Variants in PDE1A observed in about 807,000 individuals in gnomAD.
PDE1A encodes the protein phosphodiesterase 1A.
In PDE1A, 35 loss-of-function variants were observed where a neutral mutation model predicts 61.7. That is an observed-to-expected ratio of 0.57 (90% confidence interval 0.43 to 0.75). PDE1A has a LOEUF of 0.75. PDE1A is among the 30% of genes least tolerant of loss of function. The pLI is 0.00. For missense variants in PDE1A, 597 were observed against 630.6 expected (o/e 0.95, Z 0.57); for synonymous variants, 232 against 213.2 (o/e 1.09, Z -0.77).
chr2:182,664,012 T>A, the PDE1A span, among the ~76,000 whole-genome samples: 1 of 152,180 alleles, frequency 6.6e-6, no homozygotes, highest in South Asian at 2.1e-4. Context: ...CCAAATGTAT[T>A]TTTTAAAAAA....
chr2:182,161,517 C>T lies in PDE1A; in HGVS notation c.1517-14365G>A, dbSNP rs897125825. Among the ~76,000 whole-genome samples the T allele has an allele frequency of 3.0e-4, 45 of 152,218 alleles. 1 individual carries two copies. Among genetic ancestry groups the T allele is most frequent in the Admixed American group, 2.6e-3 (39 of 15,288 alleles). The stretch of plus-strand genomic sequence containing the variant: ...CCCACAATGGTATCTCTTTTCCACC[C>T]CTCTCTGGGATTAACTGCATTGTCA... On this transcript the variant is annotated intron_variant, in intron 13 of 13. Coordinates refer to the PDE1A transcript ENST00000409365.
intron 6 of PDE1A, among the ~76,000 whole-genome samples, chr2:182,225,502 G>A (rs1265474478): frequency 6.6e-6 from 1 of 151,880 alleles, no homozygotes; most frequent in African/African-American, 2.4e-5. Flanking sequence ...GTATTTGTTT[G>A]TTAAATTGTA....
the PDE1A span, among the ~76,000 whole-genome samples, chr2:182,674,199 T>A: frequency 6.6e-6 from 1 of 151,986 alleles, no homozygotes; most frequent in Non-Finnish European, 1.5e-5. Context: ...ACTAAAACAC[T>A]GTGCTACACT....
At chr2:182,606,576 C>A in the PDE1A span, among the ~76,000 whole-genome samples, 2 of 151,846 alleles carry the variant, frequency 1.3e-5, no homozygotes, top group Non-Finnish European at 2.9e-5. Flanking sequence ...CAGCAGTGAA[C>A]AAAACAGACA....
In PDE1A at chr2:182,386,114, C is replaced by G. The variant is rs1000239087; in HGVS notation, c.53+40464G>C. The stretch of plus-strand genomic sequence containing the variant: ...CGCCAGCCTCGGCCTCCTGAGGTGC[C>G]GGGATTGCGGACGGAGTCTCGTTCA... On this transcript the variant is annotated intron_variant, in intron 1 of 13. Transcript: ENST00000351439. Among the ~76,000 whole-genome samples the G allele has an allele frequency of 1.2e-3, 190 of 152,316 alleles. 1 individual carries two copies. The highest frequency in any genetic ancestry group is 2.6e-4 in the Non-Finnish European group (18 of 68,034).
At chr2:182,522,642 G>A (rs1160423802) in intron 1 of PDE1A, 3 of 1,224,766 alleles carry the variant, frequency 2.4e-6, no homozygotes, top group African/African-American at 3.0e-5. Context: ...CCGTACATGT[G>A]AGCCTGCTAC....
In PDE1A at chr2:182,400,542, A is replaced by T. The variant is rs1701945496; in HGVS notation, c.53+26036T>A. Among the ~76,000 whole-genome samples, 4 of 152,212 alleles carry T rather than the reference A, an allele frequency of 2.6e-5. No individual in the cohort carries two copies. The South Asian group carries it at 8.3e-4, about 32-fold the overall frequency. On this transcript the variant is annotated intron_variant, in intron 1 of 13. Coordinates refer to ENST00000351439, the Ensembl canonical transcript of PDE1A. ...AAGGAGACTCTCAACATCTCCTTAG[A>T]TGCTGCAACCCTAATTAGCCCTCCA... is the stretch of plus-strand genomic sequence containing the variant.
chr2:182,453,396 G>A (rs967601331), intron 2 of PDE1A, among the ~76,000 whole-genome samples: 6 of 151,628 alleles, frequency 4.0e-5, no homozygotes, highest in African/African-American at 1.5e-4. Context: ...GCCCGATTTG[G>A]TCTACTTATT....
At chr2:182,509,018 A>T (rs1469687092) in intron 2 of PDE1A, among the ~76,000 whole-genome samples, 4 of 142,884 alleles carry the variant, frequency 2.8e-5, no homozygotes, top group Non-Finnish European at 6.1e-5. Flanking sequence ...TGTCCATGTG[A>T]TCTCATTGTT....
At chr2:182,173,219 A>G (rs1235499730) in intron 13 of PDE1A, among the ~76,000 whole-genome samples, 2 of 152,044 alleles carry the variant, frequency 1.3e-5, no homozygotes, top group African/African-American at 4.8e-5. Context: ...TGAACTGGAG[A>G]AAGGGCATGT....
chr2:182,197,008 A>G (rs1028108493), intron 10 of PDE1A, among the ~76,000 whole-genome samples: 5 of 151,888 alleles, frequency 3.3e-5, no homozygotes, highest in Admixed American at 6.6e-5. Context: ...GTAGTTTTCC[A>G]GAGTGATTGT....
chr2:182,219,506 A>G (rs889174120), intron 7 of PDE1A, among the ~76,000 whole-genome samples: 3 of 152,116 alleles, frequency 2.0e-5, no homozygotes, highest in Non-Finnish European at 4.4e-5. Flanking sequence ...CGTTCATATA[A>G]GTTGGCAAGT....
At chr2:182,173,647 TAGAG>T (rs1401624562) in intron 13 of PDE1A, among the ~76,000 whole-genome samples, 2 of 151,592 alleles carry the variant, frequency 1.3e-5, no homozygotes, top group African/African-American at 4.8e-5. Flanking sequence ...GAACCATAAT[TAGAG>T]AGAGAATGAT....
In PDE1A at chr2:182,259,315, G is replaced by A. The variant is rs141239233; in HGVS notation, c.167+4986C>T. On this transcript the variant is annotated intron_variant, in intron 2 of 13. Coordinates refer to ENST00000351439, the Ensembl canonical transcript of PDE1A. ...TTATGCTTTCATTCCTTGGTGACCA[G>A]TACCCGTTTTCATTTTCTCAGGATT... Among the ~76,000 whole-genome samples the A allele has an allele frequency of 4.2e-3, 632 of 152,246 alleles. 1 individual carries two copies. The highest frequency in any genetic ancestry group is 0.015 in the African/African-American group (606 of 41,532).
chr2:182,241,798 T>A (rs1426958198), intron 2 of PDE1A: 32 of 1,500,520 alleles, frequency 2.1e-5, no homozygotes, highest in Non-Finnish European at 2.8e-5. Context: ...TGATTAATAC[T>A]TACTCTATAT....
chr2:182,507,466 C>T (rs1039093529), intron 2 of PDE1A, among the ~76,000 whole-genome samples: 8 of 152,142 alleles, frequency 5.3e-5, no homozygotes, highest in African/African-American at 1.9e-4. Flanking sequence ...TCCAATAGGT[C>T]TCACCAGGCT....
chr2:182,623,041 T>C, the PDE1A span, among the ~76,000 whole-genome samples: 2 of 152,192 alleles, frequency 1.3e-5, no homozygotes, highest in Admixed American at 1.3e-4. Context: ...ATGCAGTGTT[T>C]TACTTGGTCC....
chr2:182,598,701 C>T, the PDE1A span, among the ~76,000 whole-genome samples: 4 of 152,304 alleles, frequency 2.6e-5, no homozygotes, highest in Middle Eastern at 3.4e-3. Flanking sequence ...GGGGAATCCT[C>T]ACCCTACCAA....
intron 2 of PDE1A, among the ~76,000 whole-genome samples, chr2:182,471,562 C>T (rs1486956591): frequency 6.6e-6 from 1 of 151,710 alleles, no homozygotes; most frequent in African/African-American, 2.4e-5. Context: ...ATTCCTTTTA[C>T]CTATTAAGAT....
Sources: allele counts gnomAD v4.1 joint callset (sites outside exome capture counted in the v4.1 genomes callset), GRCh38; gene constraint gnomAD v4.1.1; transcripts MANE v1.5; gene names NCBI Gene and HGNC (gene_info 2026-07-23, HGNC 2026-07-21).